Variants in ENTPD1 observed in about 807,000 individuals in gnomAD.
ENTPD1 encodes the protein ATP diphosphohydrolase.
In ENTPD1, 33 loss-of-function variants were observed where a neutral mutation model predicts 57.0. The observed-to-expected ratio is 0.58, with a 90% CI of 0.44 to 0.77. The LOEUF is 0.77. Among genes scored for constraint, ENTPD1 ranks in the 30% least tolerant of loss-of-function variants. The probability of loss-of-function intolerance (pLI) is 0.00; values close to 1 mark genes in which losing one functional copy is unlikely to be tolerated. For missense variants in ENTPD1, 501 were observed against 603.4 expected (o/e 0.83, Z 1.78); for synonymous variants, 202 against 218.8 (o/e 0.92, Z 0.68).
chr10:95,741,765 G>A lies in ENTPD1; in HGVS notation c.37+29772G>A, dbSNP rs565964616. 2.0e-5 allele frequency among the ~76,000 whole-genome samples: 3 copies of A among 152,278 alleles called. 1 individual carries two copies. In the South Asian group the frequency reaches 6.2e-4, roughly 32 times the overall value. ...TAGCTGGAAGACTTGAAAGATTCAAGGTTTGAGCCAGACCCTGAAGGATGA... is the reference window on the plus strand; with the variant it reads ...TAGCTGGAAGACTTGAAAGATTCAAAGTTTGAGCCAGACCCTGAAGGATGA... On this transcript the variant is annotated intron_variant, in intron 1 of 9. Transcript: ENST00000453258.
At chr10:95,697,616 A>G in the ENTPD1 span, among the ~76,000 whole-genome samples, 5 of 152,126 alleles carry the variant, frequency 3.3e-5, no homozygotes, top group Non-Finnish European at 7.4e-5. Context: ...AAGAAGAGGA[A>G]CAGAGACCTG....
intron 1 of ENTPD1, among the ~76,000 whole-genome samples, chr10:95,748,307 G>A (rs2098008244): frequency 1.3e-5 from 2 of 152,128 alleles, no homozygotes; most frequent in African/African-American, 4.8e-5. Flanking sequence ...GAAATATTCA[G>A]TTACATTTCT....
chr10:95,724,675 G>A (rs1664318028), intron 1 of ENTPD1, among the ~76,000 whole-genome samples: 3 of 152,322 alleles, frequency 2.0e-5, no homozygotes, highest in Admixed American at 2.0e-4. Context: ...CAGGAGTGCA[G>A]CAGACACCCT....
intron 1 of ENTPD1, 61 bp from the exon 2 acceptor site, chr10:95,823,176 G>T (rs1194671912): frequency 4.4e-6 from 7 of 1,606,218 alleles, no homozygotes; most frequent in Non-Finnish European, 6.0e-6. Flanking sequence ...GACAGAAAGG[G>T]GAGGAAAATC....
chr10:95,815,879 A>G (rs1047112656), intron 1 of ENTPD1, among the ~76,000 whole-genome samples: 18 of 152,212 alleles, frequency 1.2e-4, no homozygotes, highest in African/African-American at 4.1e-4. Flanking sequence ...TGGAGAACAA[A>G]CAACGTGTTT....
chr10:95,710,337 G>A (rs1033880336), upstream of ENTPD1, among the ~76,000 whole-genome samples: 1 of 152,110 alleles, frequency 6.6e-6, no homozygotes, highest in African/African-American at 2.4e-5. Flanking sequence ...CAGAGGAGGT[G>A]GAGGTTGCAG....
Position 95,771,264 on chromosome 10 carries a change from G to T in ENTPD1, c.16+15009G>T, listed in dbSNP as rs116607968. Among the ~76,000 whole-genome samples, 409 of 152,122 alleles carry T rather than the reference G, an allele frequency of 2.7e-3. 3 individuals carry two copies. Among genetic ancestry groups the T allele is most frequent in the African/African-American group, 9.4e-3 (392 of 41,494 alleles). On this transcript the variant is annotated intron_variant, in intron 1 of 9. Coordinates refer to ENST00000371205, the MANE Select transcript of ENTPD1 (RefSeq NM_001776.6). ...TTGGGAAACATTTGAGAAACTTCCA[G>T]TTACTTTCCAAATTATTTTTCAAAA...
chr10:95,736,791 A>T (rs2861148), intron 1 of ENTPD1, among the ~76,000 whole-genome samples: 76,300 of 151,952 alleles, frequency 0.5, 19,655 homozygotes, highest in Admixed American at 0.6. Context: ...CCACCCCCCA[A>T]CCCTTAACTA....
chr10:95,712,751 T>A (rs965787707), intron 1 of ENTPD1, among the ~76,000 whole-genome samples: 1 of 152,106 alleles, frequency 6.6e-6, no homozygotes, highest in Non-Finnish European at 1.5e-5. Flanking sequence ...TAGTCTGTGG[T>A]GGGCTGGGCA....
intron 1 of ENTPD1, among the ~76,000 whole-genome samples, chr10:95,794,193 T>A (rs1157522480): frequency 2.6e-5 from 4 of 152,182 alleles, no homozygotes; most frequent in Non-Finnish European, 5.9e-5. Flanking sequence ...GCTACTACAG[T>A]TTTATTATTA....
At chr10:95,850,647 C>T (rs1313223761) in intron 7 of ENTPD1, among the ~76,000 whole-genome samples, 1 of 152,160 alleles carries the variant, frequency 6.6e-6, no homozygotes, top group Non-Finnish European at 1.5e-5. Flanking sequence ...CTTGTGAGTA[C>T]ATAAGAAAGA....
chr10:95,868,628 G>A lies in ENTPD1; in HGVS notation c.*2245G>A. On this transcript the variant is annotated 3_prime_UTR_variant, in exon 10 of 10. Coordinates refer to ENST00000371205, the MANE Select transcript of ENTPD1 (RefSeq NM_001776.6). The stretch of plus-strand genomic sequence containing the variant: ...TTCTGACCCTCACAACAACCCATAA[G>A]GGTGTAAATAGTATTTCCATTTTAC... The A allele has an allele frequency of 1.0e-6, 1 of 983,454 alleles. No homozygotes were observed. Among genetic ancestry groups the A allele is most frequent in the Middle Eastern group, 5.2e-4 (1 of 1,910 alleles). The allele number at this position is 983,454 out of a possible 1,614,324, so 60.9% of individuals were successfully genotyped here.
intron 5 of ENTPD1, 190 bp downstream of exon 5, chr10:95,844,825 C>T (rs1452700684): frequency 1.4e-6 from 1 of 732,612 alleles, no homozygotes; most frequent in East Asian, 2.7e-5. Context: ...CTTACAAGAC[C>T]TTCTACTATT....
At chr10:95,697,823 A>T in the ENTPD1 span, among the ~76,000 whole-genome samples, 1 of 152,222 alleles carries the variant, frequency 6.6e-6, no homozygotes, top group Non-Finnish European at 1.5e-5. Flanking sequence ...TGTTATAAGC[A>T]ACAGAGAATG....
intron 2 of ENTPD1, among the ~76,000 whole-genome samples, chr10:95,829,950 G>C (rs148011899): frequency 6.6e-6 from 1 of 152,108 alleles, no homozygotes; most frequent in South Asian, 2.1e-4. Flanking sequence ...TTAAAAGCTA[G>C]TTTGGCTCTC....
intron 1 of ENTPD1, among the ~76,000 whole-genome samples, chr10:95,783,240 T>C (rs2098164945): frequency 6.6e-6 from 1 of 152,184 alleles, no homozygotes. Flanking sequence ...CAGTGATTTG[T>C]ATAGTGGGGT....
chr10:95,695,966 A>G, the ENTPD1 span, among the ~76,000 whole-genome samples: 1 of 152,166 alleles, frequency 6.6e-6, no homozygotes, highest in Non-Finnish European at 1.5e-5. Context: ...TGATCTTTCT[A>G]TAAAATTTCC....
At chr10:95,759,434 T>G (rs977278192) in intron 1 of ENTPD1, among the ~76,000 whole-genome samples, 4 of 152,224 alleles carry the variant, frequency 2.6e-5, no homozygotes, top group African/African-American at 9.6e-5. Context: ...CAACTTTGCT[T>G]TCTCTGAACA....
intron 1 of ENTPD1, among the ~76,000 whole-genome samples, chr10:95,780,220 T>C (rs2098151355): frequency 1.3e-5 from 2 of 152,316 alleles, no homozygotes; most frequent in South Asian, 4.1e-4. Context: ...CCCATGTTCA[T>C]TGTAGCACTA....
Sources: gnomAD v4.1 joint callset for allele counts (sites outside exome capture counted in the v4.1 genomes callset) on GRCh38, gnomAD v4.1.1 for gene constraint, MANE v1.5 for transcripts, NCBI Gene and HGNC (gene_info 2026-07-23, HGNC 2026-07-21) for gene names.